CNTNAP3: variants seen among roughly 807,000 people sequenced by gnomAD.
The protein encoded by CNTNAP3 is contactin-associated protein-like 3.
Under a neutral mutation model 92.1 loss-of-function variants are expected in CNTNAP3, and 36 were observed. That is an observed-to-expected ratio of 0.39 (90% CI 0.30 to 0.52). CNTNAP3 has a LOEUF of 0.52. Ranked by LOEUF, CNTNAP3 falls within the 20% of genes least tolerant of loss-of-function variation. CNTNAP3 has a pLI of 0.76. For missense variants in CNTNAP3, 534 were observed against 1,069.6 expected (o/e 0.50, Z 6.98); for synonymous variants, 232 against 422.3 (o/e 0.55, Z 5.53).
intron 13 of CNTNAP3, among the ~76,000 whole-genome samples, chr9:39,120,108 G>C (rs562457308): frequency 6.6e-6 from 1 of 152,238 alleles, no homozygotes; most frequent in East Asian, 1.9e-4. Context: ...TAAAGTTTAA[G>C]TCCAAAAAAG....
At position 39,093,951 on chromosome 9, in the gene CNTNAP3, G is replaced by A. The variant is rs1294336209; in HGVS notation, c.2996-5304C>T. On this transcript the variant is annotated intron_variant, in intron 18 of 23. Coordinates refer to ENST00000297668, the MANE Select transcript of CNTNAP3 (RefSeq NM_033655.5). The stretch of plus-strand genomic sequence containing the variant: ...AGTTAACTCTAAATCAATTTCTACA[G>A]TGGCTGTGGCATTTACTTTCCCACC... Among the ~76,000 whole-genome samples, 3 of 151,412 alleles carry A rather than the reference G, an allele frequency of 2.0e-5. No homozygotes were observed. The East Asian group carries it at 5.8e-4, about 29-fold the overall frequency.
intron 13 of CNTNAP3, among the ~76,000 whole-genome samples, chr9:39,120,136 C>T (rs1820977782): frequency 6.6e-6 from 1 of 152,024 alleles, no homozygotes; most frequent in Admixed American, 6.6e-5. Flanking sequence ...CCAAAAATAT[C>T]GACACCAAGA....
At chr9:39,082,912 C>A (rs1450889456) in intron 21 of CNTNAP3, among the ~76,000 whole-genome samples, 6 of 152,212 alleles carry the variant, frequency 3.9e-5, no homozygotes, top group Non-Finnish European at 8.8e-5. Flanking sequence ...TGTACCAGGA[C>A]AGCATCCACA....
chr9:39,066,024 T>C lies in CNTNAP3; in HGVS notation c.*7866A>G, dbSNP rs1037675597. 6.6e-5 allele frequency among the ~76,000 whole-genome samples: 10 copies of C among 152,368 alleles called. No individual in the cohort carries two copies. Among genetic ancestry groups the C allele is most frequent in the African/African-American group, 2.4e-4 (10 of 41,586 alleles). On this transcript the variant is annotated 3_prime_UTR_variant, in exon 24 of 24. Coordinates refer to ENST00000297668, the MANE Select transcript of CNTNAP3 (RefSeq NM_033655.5). ...ATTTGCTTTCTATTTGTCCCATTTGTTCTTTGTCCTCTTTCTCATCTTTTT... is the reference window on the plus strand; with the variant it reads ...ATTTGCTTTCTATTTGTCCCATTTGCTCTTTGTCCTCTTTCTCATCTTTTT...
chr9:39,133,661 G>A (rs527567255), intron 12 of CNTNAP3, among the ~76,000 whole-genome samples: 6 of 152,226 alleles, frequency 3.9e-5, no homozygotes, highest in African/African-American at 1.4e-4. Context: ...AGGAATCAGA[G>A]GCCTTGAGCT....
chr9:39,152,481 G>A (rs1226950230), intron 9 of CNTNAP3, among the ~76,000 whole-genome samples: 1 of 146,872 alleles, frequency 6.8e-6, no homozygotes, highest in Admixed American at 6.8e-5. Context: ...GAATGGGATA[G>A]AGAGTGAACT....
At chr9:39,079,362 T>C (rs1433560226) in intron 21 of CNTNAP3, among the ~76,000 whole-genome samples, 2 of 151,622 alleles carry the variant, frequency 1.3e-5, no homozygotes, top group Non-Finnish European at 1.5e-5. Context: ...AGTTGCTATT[T>C]TGTATGATGA....
At position 39,099,843 on chromosome 9, in the gene CNTNAP3, A is replaced by G. The variant is rs1456479316; in HGVS notation, c.2995+68T>C. On this transcript the variant is annotated intron_variant, in intron 18 of 23. Coordinates refer to ENST00000297668, the MANE Select transcript of CNTNAP3 (RefSeq NM_033655.5). ...TCCTCTCTTTATAATATCAAATGCC[A>G]GAAGCATTCTTCATGTTATTTAAGT... 3 of 1,565,568 alleles carry G rather than the reference A, an allele frequency of 1.9e-6. No individual in the cohort carries two copies. The African/African-American group carries it at 4.1e-5, about 21-fold the overall frequency.
Position 39,132,874 on chromosome 9 carries a change from G to A in CNTNAP3, c.2080+58C>T, listed in dbSNP as rs879198183. 6.5e-5 allele frequency: 97 copies of A among 1,493,434 alleles called. No homozygotes were observed. The East Asian group carries it at 1.8e-3, about 27-fold the overall frequency. The allele number at this position is 1,493,434 out of a possible 1,614,324, so 92.5% of individuals were successfully genotyped here. On this transcript the variant is annotated intron_variant, in intron 13 of 23. Coordinates refer to ENST00000297668, the MANE Select transcript of CNTNAP3 (RefSeq NM_033655.5). The stretch of plus-strand genomic sequence containing the variant: ...TTTTCTCCCTCAAACGCATCTCGCA[G>A]CCCGAGGGCCGCGCCCCGGCCCCGT...
At position 39,177,957 on chromosome 9, in the gene CNTNAP3, T is replaced by C. The variant is rs192954547; in HGVS notation, c.742+200A>G. 2.1e-5 allele frequency among the ~76,000 whole-genome samples: 3 copies of C among 139,956 alleles called. No homozygotes were observed. In the East Asian group the frequency reaches 6.1e-4, roughly 28 times the overall value. The allele number at this position is 139,956 out of a possible 152,430, so 91.8% of individuals were successfully genotyped here. ...GTAGTAATGCTCTTAAATTTTCATT[T>C]ACATTTGTTCATTGCAGTTCTACTT... On this transcript the variant is annotated intron_variant, in intron 5 of 23. Coordinates refer to ENST00000297668, the MANE Select transcript of CNTNAP3 (RefSeq NM_033655.5).
At chr9:39,095,144 C>T (rs1238221836) in intron 18 of CNTNAP3, among the ~76,000 whole-genome samples, 1 of 151,438 alleles carries the variant, frequency 6.6e-6, no homozygotes, top group African/African-American at 2.4e-5. Flanking sequence ...TTTTTCATTG[C>T]TAGTGTAGAG....
rs1377322682 is a variant in CNTNAP3 at position 39,069,792 on chromosome 9, C to T, written c.*4098G>A. Among the ~76,000 whole-genome samples, 1 of 152,278 alleles carries T rather than the reference C, an allele frequency of 6.6e-6. No homozygotes were observed. Among genetic ancestry groups the T allele is most frequent in the African/African-American group, 2.4e-5 (1 of 41,486 alleles). ...GACAACACATCAGCAATGAACTTAG[C>T]CTGAGCTACATCCATTGGGAGTGAT... On this transcript the variant is annotated 3_prime_UTR_variant, in exon 24 of 24. Coordinates refer to ENST00000297668, the MANE Select transcript of CNTNAP3 (RefSeq NM_033655.5).
rs1825502112 is a variant in CNTNAP3 at position 39,066,019 on chromosome 9, ATTTGTTC to A, written c.*7864_*7870del. ...TTGCTATTTGCTTTCTATTTGTCCC[ATTTGTTC>A]TTTGTCCTCTTTCTCATCTTTTTTG... is the stretch of plus-strand genomic sequence containing the variant. On this transcript the variant is annotated 3_prime_UTR_variant, in exon 24 of 24. Coordinates refer to ENST00000297668, the MANE Select transcript of CNTNAP3 (RefSeq NM_033655.5). Among the ~76,000 whole-genome samples the A allele has an allele frequency of 6.6e-6, 1 of 152,188 alleles. No homozygotes were observed. Among genetic ancestry groups the A allele is most frequent in the African/African-American group, 2.4e-5 (1 of 41,456 alleles).
intron 13 of CNTNAP3, among the ~76,000 whole-genome samples, chr9:39,121,455 CACA>C (rs2117984056): frequency 6.6e-6 from 1 of 152,230 alleles, no homozygotes; most frequent in Admixed American, 6.5e-5. Context: ...CTCCCATTCT[CACA>C]ACAAGAAAAA....
chr9:39,149,352 TTTTG>T (rs1164584156), intron 10 of CNTNAP3, among the ~76,000 whole-genome samples: 1 of 150,832 alleles, frequency 6.6e-6, no homozygotes, highest in Non-Finnish European at 1.5e-5. Flanking sequence ...CAGTTTTTGT[TTTTG>T]TTTTTTTTTT....
intron 13 of CNTNAP3, among the ~76,000 whole-genome samples, chr9:39,122,642 C>T (rs553247396): frequency 5.1e-4 from 78 of 152,314 alleles, no homozygotes; most frequent in African/African-American, 1.7e-3. Flanking sequence ...TAAAACCTTA[C>T]ATTAAAGGCT....
chr9:39,124,413 G>C (rs1327148029), intron 13 of CNTNAP3, among the ~76,000 whole-genome samples: 2 of 152,068 alleles, frequency 1.3e-5, no homozygotes, highest in East Asian at 1.9e-4. Flanking sequence ...TTACAATATG[G>C]CAAATATTAA....
chr9:39,074,330 C>T (rs1250951836), intron 23 of CNTNAP3, among the ~76,000 whole-genome samples: 1 of 151,176 alleles, frequency 6.6e-6, no homozygotes, highest in Non-Finnish European at 1.5e-5. Flanking sequence ...TGCCTGGCCT[C>T]AATGTCAGAG....
At chr9:39,083,797 A>C (rs1376691693) in intron 21 of CNTNAP3, among the ~76,000 whole-genome samples, 1 of 151,954 alleles carries the variant, frequency 6.6e-6, no homozygotes, top group Non-Finnish European at 1.5e-5. Flanking sequence ...AGGTGTCTGC[A>C]TTCTTTAAAG....
Sources: allele counts gnomAD v4.1 joint callset (sites outside exome capture counted in the v4.1 genomes callset), GRCh38; gene constraint gnomAD v4.1.1; transcripts MANE v1.5; gene names NCBI Gene and HGNC (gene_info 2026-07-23, HGNC 2026-07-21).